ZNF536: variants seen among roughly 807,000 people sequenced by gnomAD.
The protein encoded by ZNF536 is zinc finger protein 536.
Under a neutral mutation model 84.5 loss-of-function variants are expected in ZNF536, and 13 were observed. The ratio of observed to expected loss-of-function variants is 0.15; its 90% CI spans 0.10 to 0.24. The LOEUF is 0.24. Ranked by LOEUF, ZNF536 falls within the 10% of genes least tolerant of loss-of-function variation. The pLI is 1.00. For missense variants in ZNF536, 1,536 were observed against 1,747.5 expected (o/e 0.88, Z 2.16); for synonymous variants, 811 against 742.5 (o/e 1.09, Z -1.50).
intron 1 of ZNF536, among the ~76,000 whole-genome samples, chr19:30,274,243 T>C (rs1042302628): frequency 2.0e-5 from 3 of 152,252 alleles, no homozygotes; most frequent in Non-Finnish European, 4.4e-5. Context: ...AGCAAATTTT[T>C]AGTATGACCA....
At chr19:30,646,843 G>A (rs1432222180) in intron 1 of ZNF536, among the ~76,000 whole-genome samples, 1 of 152,156 alleles carries the variant, frequency 6.6e-6, no homozygotes, top group Non-Finnish European at 1.5e-5. Context: ...TCCGAAGCAA[G>A]GCTATTGATG....
At chr19:30,326,130 G>C (rs754935569) in intron 2 of ZNF536, among the ~76,000 whole-genome samples, 5 of 152,194 alleles carry the variant, frequency 3.3e-5, no homozygotes, top group Non-Finnish European at 5.9e-5. Context: ...GGGTCAGATG[G>C]TAACCCTTGC....
chr19:30,458,447 G>GTTTTTTTTTTT lies in ZNF536; in HGVS notation c.2170+12728_2170+12738dup, dbSNP rs3084731. Among the ~76,000 whole-genome samples the GTTTTTTTTTTT allele has an allele frequency of 7.5e-4, 63 of 83,488 alleles. 9 individuals carry two copies. Among genetic ancestry groups the GTTTTTTTTTTT allele is most frequent in the African/African-American group, 2.7e-3 (49 of 17,924 alleles). 54.8% of individuals were successfully genotyped at this position (83,488 alleles called of 152,430 possible). On this transcript the variant is annotated intron_variant, in intron 2 of 4. Coordinates refer to ENST00000355537, the MANE Select transcript of ZNF536 (RefSeq NM_014717.3). ...CCAAGTATTTCCTCAATTTCCTGCT[G>GTTTTTTTTTTT]TTTTTTTTTTTTTTTTTTTTTTTGA...
At position 30,443,750 on chromosome 19, in the gene ZNF536, C is replaced by T. The variant is rs754985079; in HGVS notation, c.188C>T (p.Ser63Phe). 1 of 1,612,972 alleles carries T rather than the reference C, an allele frequency of 6.2e-7. No individual in the cohort carries two copies. The highest frequency in any genetic ancestry group is 8.5e-7 in the Non-Finnish European group (1 of 1,179,636). Residue 63 changes from serine (S) to phenylalanine (F), a missense_variant, in exon 2 of 5, where the codon TCC (serine) becomes TTC (phenylalanine). By Grantham distance (155) the Ser-to-Phe change is radical. Around this residue, in one of 8 missense-constraint regions of ZNF536, gnomAD observed 161 missense variants for 178.5 expected, o/e 0.90. Transcript: ENST00000355537. ...RPNPEEKPPA[S>F]LEEKAHVPMS... is the part of the protein sequence containing the mutation. ...AACCCCGAGGAGAAGCCCCCCGCAT[C>T]CCTGGAGGAGAAGGCCCACGTGCCC... is the stretch of plus-strand genomic sequence containing the variant.
intron 2 of ZNF536, among the ~76,000 whole-genome samples, chr19:30,477,641 C>T (rs2053905883): frequency 6.6e-6 from 1 of 152,176 alleles, no homozygotes; most frequent in Non-Finnish European, 1.5e-5. Context: ...TCAGGGGGTT[C>T]TCACTGACAG....
chr19:30,323,227 G>T (rs1568331288), intron 2 of ZNF536, among the ~76,000 whole-genome samples: 1 of 152,150 alleles, frequency 6.6e-6, no homozygotes, highest in South Asian at 2.1e-4. Context: ...CAAACTCTCG[G>T]CTCCACTCAG....
intron 4 of ZNF536, among the ~76,000 whole-genome samples, chr19:30,551,168 T>C (rs138220920): frequency 1.7e-3 from 248 of 149,350 alleles, no homozygotes; most frequent in African/African-American, 5.6e-3. Flanking sequence ...TTCTTTCAAC[T>C]ACCTACGTAG....
chr19:30,667,019 A>G (rs1407753580), intron 1 of ZNF536, among the ~76,000 whole-genome samples: 1 of 152,054 alleles, frequency 6.6e-6, no homozygotes, highest in Non-Finnish European at 1.5e-5. Flanking sequence ...CCCTTGGGGC[A>G]GCTGTTCTCA....
intron 2 of ZNF536, among the ~76,000 whole-genome samples, chr19:30,338,395 GTGA>G (rs1218100171): frequency 6.6e-6 from 1 of 151,722 alleles, no homozygotes; most frequent in African/African-American, 2.4e-5. Context: ...GATGATGGTG[GTGA>G]TGATGACAGT....
intron 2 of ZNF536, among the ~76,000 whole-genome samples, chr19:30,310,302 G>A (rs1004586962): frequency 1.3e-5 from 2 of 152,128 alleles, no homozygotes; most frequent in African/African-American, 4.8e-5. Context: ...ATTTGTTCTG[G>A]TGTATTCTTA....
chr19:30,559,863 G>A (rs967395275), downstream of ZNF536, among the ~76,000 whole-genome samples: 4 of 152,138 alleles, frequency 2.6e-5, no homozygotes, highest in East Asian at 3.9e-4. Context: ...TGGAAGACTC[G>A]GAAGCATTTC....
chr19:30,536,680 C>T (rs892129560), intron 3 of ZNF536, among the ~76,000 whole-genome samples: 5 of 152,180 alleles, frequency 3.3e-5, no homozygotes, highest in Admixed American at 6.5e-5. Context: ...GCAGAGGAGT[C>T]AAGGGCTGTA....
chr19:30,452,017 G>A (rs2052629927), intron 2 of ZNF536, among the ~76,000 whole-genome samples: 1 of 152,250 alleles, frequency 6.6e-6, no homozygotes, highest in Non-Finnish European at 1.5e-5. Context: ...CCAGGCTCAG[G>A]TCTTGACCAC....
At chr19:30,233,429 C>T (rs952680607) in intron 1 of ZNF536, among the ~76,000 whole-genome samples, 9 of 151,682 alleles carry the variant, frequency 5.9e-5, no homozygotes, top group Non-Finnish European at 1.0e-4. Flanking sequence ...ACTGTAGCCT[C>T]GTCCTGGGTT....
chr19:30,351,920 A>G (rs1270032996), intron 2 of ZNF536, among the ~76,000 whole-genome samples: 1 of 152,268 alleles, frequency 6.6e-6, no homozygotes, highest in Non-Finnish European at 1.5e-5. Context: ...GGGGAGAAGA[A>G]CAAAGGGACT....
chr19:30,312,237 G>A (rs1343151098), intron 2 of ZNF536, among the ~76,000 whole-genome samples: 1 of 152,168 alleles, frequency 6.6e-6, no homozygotes. Context: ...CGAGGTGCAT[G>A]TGACCTTAAC....
At chr19:30,609,516 C>T (rs547934457) in intron 1 of ZNF536, among the ~76,000 whole-genome samples, 2 of 152,270 alleles carry the variant, frequency 1.3e-5, no homozygotes, top group African/African-American at 4.8e-5. Flanking sequence ...TTTGCCATGG[C>T]TCTGACATAG....
chr19:30,516,495 T>C (rs2044078573), intron 2 of ZNF536, among the ~76,000 whole-genome samples: 1 of 152,182 alleles, frequency 6.6e-6, no homozygotes, highest in Non-Finnish European at 1.5e-5. Context: ...TTTCTGTCAC[T>C]TGGTCAGATC....
chr19:30,499,400 T>C (rs1359223753), intron 2 of ZNF536, among the ~76,000 whole-genome samples: 1 of 152,214 alleles, frequency 6.6e-6, no homozygotes, highest in Non-Finnish European at 1.5e-5. Flanking sequence ...TATGTATGTA[T>C]GTATCTATCT....
Sources: gnomAD v4.1 joint callset for allele counts (sites outside exome capture counted in the v4.1 genomes callset) on GRCh38, gnomAD v4.1.1 for gene constraint, gnomAD v4.1.1 regional missense constraint, MANE v1.5 for transcripts, NCBI Gene and HGNC (gene_info 2026-07-23, HGNC 2026-07-21) for gene names.